LYN: variants seen among roughly 807,000 people sequenced by gnomAD.
The protein encoded by LYN is tyrosine-protein kinase Lyn.
Under a neutral mutation model 65.0 loss-of-function variants are expected in LYN, and 12 were observed. That is an observed-to-expected ratio of 0.18 (90% confidence interval 0.12 to 0.30). The LOEUF is 0.30. LYN is among the 10% of genes least tolerant of loss of function. The probability of loss-of-function intolerance (pLI) is 1.00; values close to 1 mark genes in which losing one functional copy is unlikely to be tolerated. For synonymous variants in LYN, 222 were observed against 221.2 expected, an observed-to-expected ratio of 1.00 and a Z score of -0.03; for missense variants, 380 against 623.2, an observed-to-expected ratio of 0.61 and a Z score of 4.16.
Position 55,885,348 on chromosome 8 carries a change from A to G in LYN, c.-6+5245A>G, listed in dbSNP as rs1327362532. ...TTAGTTGGTCTCATTTCCTTTCTAC[A>G]GTCCATGCTTCAGGCAAAGTTACAT... is the stretch of plus-strand genomic sequence containing the variant. On this transcript the variant is annotated intron_variant, in intron 1 of 12. Coordinates refer to ENST00000519728, the MANE Select transcript of LYN (RefSeq NM_002350.4). Among the ~76,000 whole-genome samples the G allele has an allele frequency of 2.0e-5, 3 of 152,208 alleles. No individual in the cohort carries two copies. In the East Asian group the frequency reaches 5.8e-4, roughly 29 times the overall value.
chr8:55,881,185 G>A (rs1804644780), intron 1 of LYN, among the ~76,000 whole-genome samples: 1 of 152,202 alleles, frequency 6.6e-6, no homozygotes, highest in Admixed American at 6.5e-5. Context: ...TCATATAAAT[G>A]AGGCTTCTTG....
Position 56,013,191 on chromosome 8 carries a change from A to G in LYN, c.*3081A>G, listed in dbSNP as rs1808860994. The G allele has an allele frequency of 6.6e-6, 1 of 152,116 alleles. No individual in the cohort carries two copies. 9.4% of individuals were successfully genotyped at this position (152,116 alleles called of 1,614,324 possible). On this transcript the variant is annotated 3_prime_UTR_variant, in exon 13 of 13. Transcript: ENST00000519728. ...ATTAATTTTGTTGCCTACACCAGGGATAGATCGAGGGCACTGAAAGCATCA... is the reference window on the plus strand; with the variant it reads ...ATTAATTTTGTTGCCTACACCAGGGGTAGATCGAGGGCACTGAAAGCATCA...
At chr8:55,892,819 T>C (rs758727543) in intron 1 of LYN, among the ~76,000 whole-genome samples, 2 of 152,150 alleles carry the variant, frequency 1.3e-5, no homozygotes, top group Non-Finnish European at 2.9e-5. Flanking sequence ...GTGTTTAAAA[T>C]TTAAGTATAA....
intron 1 of LYN, among the ~76,000 whole-genome samples, chr8:55,930,574 T>C (rs1297658206): frequency 6.6e-6 from 1 of 152,240 alleles, no homozygotes; most frequent in Non-Finnish European, 1.5e-5. Context: ...GAGCTCATCT[T>C]GTTTTCATAG....
intron 7 of LYN, 93 bp downstream of exon 7, chr8:55,952,208 G>T: frequency 1.0e-6 from 1 of 999,312 alleles, no homozygotes; most frequent in South Asian, 1.9e-5. Context: ...AACTTTTTAT[G>T]CATCGTATTT....
rs146623587 is a variant in LYN at position 56,010,444 on chromosome 8, T to C, written c.*334T>C. On this transcript the variant is annotated 3_prime_UTR_variant, in exon 13 of 13. Coordinates refer to ENST00000519728, the MANE Select transcript of LYN (RefSeq NM_002350.4). The stretch of plus-strand genomic sequence containing the variant: ...CTAGCTCTATGTTTACAAATGGACA[T>C]AGGACTCAAAGTTTCAGAGACCATT... 4.1e-3 allele frequency: 1,377 copies of C among 339,294 alleles called. 4 individuals are homozygous for C. The highest frequency in any genetic ancestry group is 6.1e-3 in the Non-Finnish European group (1,097 of 180,438). The allele number at this position is 339,294 out of a possible 1,614,324, so 21.0% of individuals were successfully genotyped here.
Position 55,946,448 on chromosome 8 carries a change from G to A in LYN, c.133G>A (p.Val45Ile), listed in dbSNP as rs745815088. Reference protein sequence around the residue: ...DPTSNKQQRPVPESQLLPGQR... With the variant: ...DPTSNKQQRPIPESQLLPGQR... ...TTTTCTAACAAATATTCTCTCGTAG[G>A]TTCCAGAATCTCAGCTTTTACCTGG... Residue 45 changes from valine to isoleucine, a missense_variant and splice_region_variant, in exon 3 of 13, where the codon GTT becomes ATT. This residue lies in a region of LYN where 157 missense variants were observed against 193.2 expected (regional missense o/e 0.81). Coordinates refer to ENST00000519728, the MANE Select transcript of LYN (RefSeq NM_002350.4). 1.6e-5 allele frequency: 26 copies of A among 1,603,692 alleles called. No homozygotes were observed. Among genetic ancestry groups the A allele is most frequent in the Middle Eastern group, 1.7e-4 (1 of 6,000 alleles).
intron 1 of LYN, among the ~76,000 whole-genome samples, chr8:55,920,774 C>T (rs1370097324): frequency 2.3e-5 from 3 of 131,960 alleles, no homozygotes; most frequent in Non-Finnish European, 4.9e-5. Context: ...CCCCCCCTTG[C>T]CCTTCCCCAC....
At chr8:56,000,770 A>G (rs1808491716) in intron 12 of LYN, among the ~76,000 whole-genome samples, 1 of 149,682 alleles carries the variant, frequency 6.7e-6, no homozygotes, top group Non-Finnish European at 1.5e-5. Context: ...GATTTCTCCC[A>G]GAGCCTTCAT....
At chr8:55,964,565 T>G (rs1037764770) in intron 8 of LYN, among the ~76,000 whole-genome samples, 1 of 152,186 alleles carries the variant, frequency 6.6e-6, no homozygotes, top group Non-Finnish European at 1.5e-5. Flanking sequence ...AAAAAATCAT[T>G]TTTTAAAAAG....
rs1418936673 is a variant in LYN at position 55,942,510 on chromosome 8, G to A, written c.132+519G>A. Among the ~76,000 whole-genome samples the A allele has an allele frequency of 3.3e-5, 5 of 150,686 alleles. No homozygotes were observed. In the East Asian group the frequency reaches 9.7e-4, roughly 29 times the overall value. On this transcript the variant is annotated intron_variant, in intron 2 of 12. Coordinates refer to ENST00000519728, the MANE Select transcript of LYN (RefSeq NM_002350.4). ...GACTCAAGATAGTAGTGAGAGGCTGGGCGCGGTGGCTCACGCTTGTAATCC... is the reference window on the plus strand; with the variant it reads ...GACTCAAGATAGTAGTGAGAGGCTGAGCGCGGTGGCTCACGCTTGTAATCC...
intron 12 of LYN, among the ~76,000 whole-genome samples, chr8:56,005,238 C>G (rs566689194): frequency 6.6e-6 from 1 of 152,300 alleles, no homozygotes; most frequent in East Asian, 1.9e-4. Context: ...CAGTTTTGCC[C>G]TAATGTCTGG....
In LYN at chr8:55,979,882, G is replaced by A. The variant is rs560372901; in HGVS notation, c.1050+10089G>A. ...GCCAGAGGGCCGCCCACCCTGGTGC[G>A]GAAGACCCCACCCGAGCTCCTGCCA... On this transcript the variant is annotated intron_variant, in intron 10 of 12. Coordinates refer to ENST00000519728, the MANE Select transcript of LYN (RefSeq NM_002350.4). 6.0e-4 allele frequency among the ~76,000 whole-genome samples: 92 copies of A among 152,334 alleles called. 1 individual carries two copies. The highest frequency in any genetic ancestry group is 1.9e-3 in the African/African-American group (77 of 41,578).
rs562547586 is a variant in LYN at position 55,935,971 on chromosome 8, C to T, written c.-5-5884C>T. ...TGATAAGCAGTTTGGAGAAAGCATTCAACTCTTCTGAAGACTTTGTTTCTC... is the reference window on the plus strand; with the variant it reads ...TGATAAGCAGTTTGGAGAAAGCATTTAACTCTTCTGAAGACTTTGTTTCTC... On this transcript the variant is annotated intron_variant, in intron 1 of 12. Coordinates refer to ENST00000519728, the MANE Select transcript of LYN (RefSeq NM_002350.4). Among the ~76,000 whole-genome samples, 5 of 152,204 alleles carry T rather than the reference C, an allele frequency of 3.3e-5. No homozygotes were observed. The East Asian group carries it at 5.8e-4, about 18-fold the overall frequency.
At chr8:55,895,118 C>T (rs1236206068) in intron 1 of LYN, among the ~76,000 whole-genome samples, 10 of 152,078 alleles carry the variant, frequency 6.6e-5, no homozygotes, top group Admixed American at 3.3e-4. Context: ...GCAGCCAGCC[C>T]CAAAACCTCC....
chr8:55,902,937 C>T (rs904790597), intron 1 of LYN: 1 of 309,196 alleles, frequency 3.2e-6, no homozygotes, highest in Admixed American at 4.1e-5. Context: ...CAACCTCCGC[C>T]TCTTGGGTTC....
chr8:55,899,065 G>A (rs59717853), intron 1 of LYN, among the ~76,000 whole-genome samples: 52,227 of 151,996 alleles, frequency 0.34, 9,640 homozygotes, highest in Middle Eastern at 0.5. Context: ...ATGAGACACT[G>A]TACCCAGCTA....
In LYN at chr8:55,997,881, G is replaced by C. The variant is rs111849184; in HGVS notation, c.1051-465G>C. Among the ~76,000 whole-genome samples, 1,258 of 152,226 alleles carry C rather than the reference G, an allele frequency of 8.3e-3. 13 individuals are homozygous for C. Among genetic ancestry groups the C allele is most frequent in the African/African-American group, 0.028 (1,174 of 41,532 alleles). On this transcript the variant is annotated intron_variant, in intron 10 of 12. Coordinates refer to ENST00000519728, the MANE Select transcript of LYN (RefSeq NM_002350.4). ...GGGCGGATCACGAGGTCAGGAGATC[G>C]AGACCATCCTGGCTAACATGGTGAA...
chr8:55,928,610 C>G (rs1354500864), intron 1 of LYN, among the ~76,000 whole-genome samples: 4 of 152,072 alleles, frequency 2.6e-5, no homozygotes, highest in Non-Finnish European at 2.9e-5. Flanking sequence ...TTTAAGAGTT[C>G]TTTGTCTATT....
Sources: allele counts gnomAD v4.1 joint callset (sites outside exome capture counted in the v4.1 genomes callset), GRCh38; gene constraint gnomAD v4.1.1; regional missense constraint gnomAD v4.1.1; transcripts MANE v1.5; gene names NCBI Gene and HGNC (gene_info 2026-07-23, HGNC 2026-07-21).